The following EPHA7 variants were observed in gnomAD, a reference collection of about 807,000 sequenced individuals.
EPHA7 encodes ephrin type-A receptor 7.
EPHA7 carries 25 observed loss-of-function variants against 112.6 expected under a neutral mutation model. The observed-to-expected ratio is 0.22, with a 90% confidence interval of 0.16 to 0.31. The LOEUF is 0.31. EPHA7 is among the 10% of genes least tolerant of loss of function. The probability of loss-of-function intolerance (pLI) is 1.00; values close to 1 mark genes in which losing one functional copy is unlikely to be tolerated. For synonymous variants in EPHA7, 437 were observed against 406.5 expected (o/e 1.07, Z -0.90); for missense variants, 962 against 1,212.6 (o/e 0.79, Z 3.07).
chr6:93,415,198 T>G (rs145257354), intron 1 of EPHA7, among the ~76,000 whole-genome samples: 1 of 152,096 alleles, frequency 6.6e-6, no homozygotes, highest in African/African-American at 2.4e-5. Context: ...CTGCCAGCAG[T>G]ATTTTCTATT....
At position 93,397,629 on chromosome 6, in the gene EPHA7, A is replaced by G. The variant is rs1262814614; in HGVS notation, c.832+12872T>C. Among the ~76,000 whole-genome samples the G allele has an allele frequency of 2.0e-5, 3 of 151,946 alleles. No individual in the cohort carries two copies. In the Admixed American group the frequency reaches 2.0e-4, roughly 10 times the overall value. ...AATATTCTCATGCGTATGTCCATCA[A>G]TCGATGTCAACATTCCATTGGATTC... is the stretch of plus-strand genomic sequence containing the variant. On this transcript the variant is annotated intron_variant, in intron 3 of 16. Transcript: ENST00000369303.
intron 3 of EPHA7, among the ~76,000 whole-genome samples, chr6:93,402,066 T>A (rs1778459563): frequency 6.6e-6 from 1 of 151,982 alleles, no homozygotes; most frequent in Non-Finnish European, 1.5e-5. Flanking sequence ...TATAAAAGAC[T>A]GACCATATAC....
chr6:93,396,805 T>C (rs1424816734), intron 3 of EPHA7, among the ~76,000 whole-genome samples: 2 of 151,684 alleles, frequency 1.3e-5, no homozygotes, highest in African/African-American at 4.8e-5. Context: ...AACATAAATA[T>C]AAATATGACA....
intron 3 of EPHA7, among the ~76,000 whole-genome samples, chr6:93,386,361 C>G (rs1777605654): frequency 6.6e-6 from 1 of 152,144 alleles, no homozygotes; most frequent in African/African-American, 2.4e-5. Context: ...AAGCTACAAG[C>G]CCCATGCAGG....
At chr6:93,253,481 C>T (rs1770306164) in intron 14 of EPHA7, among the ~76,000 whole-genome samples, 4 of 151,934 alleles carry the variant, frequency 2.6e-5, no homozygotes, top group Admixed American at 2.6e-4. Flanking sequence ...GTCTAAAAAT[C>T]ACTACTGTAA....
chr6:93,419,447 A>T lies in EPHA7; in HGVS notation c.-106T>A. The T allele has an allele frequency of 1.2e-6, 1 of 843,750 alleles. No homozygotes were observed. Among genetic ancestry groups the T allele is most frequent in the South Asian group, 1.8e-5 (1 of 56,302 alleles). 52.3% of individuals were successfully genotyped at this position (843,750 alleles called of 1,614,324 possible). ...TTGTTTTATTGTGCTCCTTGCATCG[A>T]TTCCCCTTCTCGGTCCCCGATCGGC... is the stretch of plus-strand genomic sequence containing the variant. On this transcript the variant is annotated 5_prime_UTR_variant, in exon 1 of 17. Transcript: ENST00000369303.
rs889098414 is a variant in EPHA7, at chr6:93,264,722, G to C, written c.1634-20C>G. 2 of 1,483,648 alleles carry C rather than the reference G, an allele frequency of 1.3e-6. No homozygotes were observed. The highest frequency in any genetic ancestry group is 1.8e-6 in the Non-Finnish European group (2 of 1,083,730). The allele number at this position is 1,483,648 out of a possible 1,614,324, so 91.9% of individuals were successfully genotyped here. Reference sequence around the variant, plus strand: ...CTGTAGCTGTAAACAGAGGAAATAGGCTCAGAAATACTTGACACCATGCAA... The same window carrying C: ...CTGTAGCTGTAAACAGAGGAAATAGCCTCAGAAATACTTGACACCATGCAA... On this transcript the variant is annotated intron_variant, in intron 7 of 16. Coordinates refer to ENST00000369303, the MANE Select transcript of EPHA7 (RefSeq NM_004440.4).
intron 3 of EPHA7, among the ~76,000 whole-genome samples, chr6:93,370,154 A>C (rs1776716386): frequency 6.6e-6 from 1 of 152,210 alleles, no homozygotes; most frequent in Non-Finnish European, 1.5e-5. Context: ...ATATAATTGA[A>C]TACCTTCTCT....
At chr6:93,342,067 G>A (rs936438839) in intron 5 of EPHA7, among the ~76,000 whole-genome samples, 12 of 151,772 alleles carry the variant, frequency 7.9e-5, no homozygotes, top group African/African-American at 2.9e-4. Context: ...TACTTGGTGA[G>A]ATTAATTACC....
chr6:93,395,590 CA>C (rs1778129902), intron 3 of EPHA7, among the ~76,000 whole-genome samples: 1 of 151,360 alleles, frequency 6.6e-6, no homozygotes, highest in African/African-American at 2.4e-5. Flanking sequence ...CACACACACA[CA>C]CACACACACA....
At chr6:93,354,087 T>C (rs1211355465) in intron 5 of EPHA7, among the ~76,000 whole-genome samples, 2 of 152,120 alleles carry the variant, frequency 1.3e-5, no homozygotes, top group Non-Finnish European at 2.9e-5. Context: ...ACCAGAAATA[T>C]AGACTTAAAT....
chr6:93,417,328 A>T (rs986450869), intron 1 of EPHA7, among the ~76,000 whole-genome samples: 1 of 152,118 alleles, frequency 6.6e-6, no homozygotes, highest in Non-Finnish European at 1.5e-5. Flanking sequence ...GTGAACTCCT[A>T]GAACGCCAGC....
intron 7 of EPHA7, among the ~76,000 whole-genome samples, chr6:93,269,026 G>A (rs1403604520): frequency 6.6e-6 from 1 of 151,656 alleles, no homozygotes; most frequent in East Asian, 1.9e-4. Flanking sequence ...CATTGCTAAA[G>A]GGCAATTCAC....
At chr6:93,295,943 C>T (rs1465440361) in intron 5 of EPHA7, among the ~76,000 whole-genome samples, 1 of 151,816 alleles carries the variant, frequency 6.6e-6, no homozygotes, top group East Asian at 1.9e-4. Flanking sequence ...CAGACACACA[C>T]AAACATACCA....
intron 4 of EPHA7, among the ~76,000 whole-genome samples, chr6:93,357,703 G>T (rs1776024052): frequency 6.6e-6 from 1 of 151,096 alleles, no homozygotes; most frequent in African/African-American, 2.4e-5. Context: ...GTCCAAGCTG[G>T]AGTGTAGTGG....
At chr6:93,276,921 AT>A (rs546856615) in intron 5 of EPHA7, among the ~76,000 whole-genome samples, 6 of 152,184 alleles carry the variant, frequency 3.9e-5, no homozygotes, top group African/African-American at 1.4e-4. Flanking sequence ...ATATACCTGT[AT>A]TTTTCAACAG....
At chr6:93,343,961 T>G (rs1029101754) in intron 5 of EPHA7, among the ~76,000 whole-genome samples, 1 of 151,672 alleles carries the variant, frequency 6.6e-6, no homozygotes, top group African/African-American at 2.4e-5. Flanking sequence ...GAAATGTGTC[T>G]AAAAATAAAA....
rs1021476322 is a variant in EPHA7, at chr6:93,321,725, C to T, written c.1324+34992G>A. ...AAGGAGATATTCCCTCTCCAGGTCC[C>T]TGTGGTCCACACAACTCCACACTGC... On this transcript the variant is annotated intron_variant, in intron 5 of 16. Coordinates refer to ENST00000369303, the MANE Select transcript of EPHA7 (RefSeq NM_004440.4). 5.0e-4 allele frequency among the ~76,000 whole-genome samples: 76 copies of T among 151,984 alleles called. 3 individuals carry two copies. The highest frequency in any genetic ancestry group is 3.4e-3 in the Admixed American group (51 of 15,210).
chr6:93,294,031 G>T (rs527426149), intron 5 of EPHA7, among the ~76,000 whole-genome samples: 1 of 152,170 alleles, frequency 6.6e-6, no homozygotes, highest in Admixed American at 6.5e-5. Context: ...TGTCAATTAT[G>T]GACAGGAGAT....
Sources: allele counts gnomAD v4.1 joint callset (sites outside exome capture counted in the v4.1 genomes callset), GRCh38; gene constraint gnomAD v4.1.1; transcripts MANE v1.5; gene names NCBI Gene and HGNC (gene_info 2026-07-23, HGNC 2026-07-21).